Variants in STK17B observed in about 807,000 individuals in gnomAD.
STK17B encodes serine/threonine kinase 17b.
Under a neutral mutation model 42.0 loss-of-function variants are expected in STK17B, and 21 were observed. That is an observed-to-expected ratio of 0.50 (90% CI 0.35 to 0.72). The LOEUF (loss-of-function observed/expected upper bound fraction) is 0.72. STK17B is among the 30% of genes least tolerant of loss of function. STK17B has a pLI of 0.00. For synonymous variants in STK17B, 143 were observed against 148.4 expected, an observed-to-expected ratio of 0.96 and a Z score of 0.26; for missense variants, 349 against 446.0, an observed-to-expected ratio of 0.78 and a Z score of 1.96.
intron 1 of STK17B, among the ~76,000 whole-genome samples, chr2:196,164,825 A>G (rs1249841136): frequency 1.3e-5 from 2 of 152,180 alleles, no homozygotes; most frequent in Non-Finnish European, 2.9e-5. Flanking sequence ...ATTAAATTAA[A>G]ATTATAGCTT....
rs1699566775 is a variant in STK17B, at chr2:196,145,938, C to A, written c.453G>T (p.Gln151His). The change falls in exon 4 of 8, where the codon CAG (glutamine) becomes CAT (histidine). Residue 151 changes from glutamine to histidine, a missense_variant. Coordinates refer to ENST00000263955, the MANE Select transcript of STK17B (RefSeq NM_004226.4). Reference sequence around the variant, plus strand: ...TTAAATCAAGGTGTACAATGTTATTCTGATGTAGATAATAAACTCCTTCAA... The same window carrying A: ...TTAAATCAAGGTGTACAATGTTATTATGATGTAGATAATAAACTCCTTCAA... The part of the protein sequence containing the change: ...QILEGVYYLH[Q>H]NNIVHLDLKP... The A allele has an allele frequency of 2.5e-6, 4 of 1,590,386 alleles. No individual in the cohort carries two copies. Among genetic ancestry groups the A allele is most frequent in the Admixed American group, 1.9e-5 (1 of 52,366 alleles).
chr2:196,135,061 T>C lies in STK17B; in HGVS notation c.*2386A>G, dbSNP rs1024312935. 3 of 152,234 alleles carry C rather than the reference T, an allele frequency of 2.0e-5. No individual in the cohort carries two copies. The highest frequency in any genetic ancestry group is 4.4e-5 in the Non-Finnish European group (3 of 68,032). 9.4% of individuals were successfully genotyped at this position (152,234 alleles called of 1,614,324 possible). A position where few individuals can be genotyped will look rare whatever the true frequency, so the allele number is the denominator to read the frequency against. On this transcript the variant is annotated 3_prime_UTR_variant, in exon 8 of 8. Coordinates refer to ENST00000263955, the MANE Select transcript of STK17B (RefSeq NM_004226.4). ...TATCAGGAAAAAAGGCATGGAAATT[T>C]ACAGCTCTGTATTCTACTACTTAAA...
chr2:196,148,760 C>T (rs1699618382), intron 3 of STK17B, among the ~76,000 whole-genome samples: 1 of 152,138 alleles, frequency 6.6e-6, no homozygotes, highest in South Asian at 2.1e-4. Flanking sequence ...TTTTATATTA[C>T]AAATTCGTTA....
At chr2:196,159,225 C>T (rs900114733) in intron 2 of STK17B, among the ~76,000 whole-genome samples, 1 of 151,310 alleles carries the variant, frequency 6.6e-6, no homozygotes, top group Non-Finnish European at 1.5e-5. Context: ...GTGCTTGTGA[C>T]AATTCAGTTC....
rs1467744861 is a variant in STK17B at position 196,135,914 on chromosome 2, CAT to C, written c.*1531_*1532del. 6.6e-6 allele frequency: 1 copy of C among 151,784 alleles called. No homozygotes were observed. The highest frequency in any genetic ancestry group is 1.5e-5 in the Non-Finnish European group (1 of 67,994). The allele number at this position is 151,784 out of a possible 1,614,324, so 9.4% of individuals were successfully genotyped here. On this transcript the variant is annotated 3_prime_UTR_variant, in exon 8 of 8. Coordinates refer to ENST00000263955, the MANE Select transcript of STK17B (RefSeq NM_004226.4). ...ATATACATACACCTGTACATACACA[CAT>C]GTGCACACATACACACACAAGTAGA...
At chr2:196,164,161 T>A (rs1454376555) in intron 1 of STK17B, among the ~76,000 whole-genome samples, 1 of 151,538 alleles carries the variant, frequency 6.6e-6, no homozygotes, top group Non-Finnish European at 1.5e-5. Flanking sequence ...GCTAAAGAAA[T>A]TTGGTGGTAA....
At chr2:196,168,081 T>C (rs904145535) in intron 1 of STK17B, among the ~76,000 whole-genome samples, 3 of 152,220 alleles carry the variant, frequency 2.0e-5, no homozygotes, top group Admixed American at 2.0e-4. Flanking sequence ...ATATTCCTCA[T>C]ATGTATTCTG....
upstream of STK17B, chr2:196,176,271 A>G (rs1390144754): frequency 6.6e-6 from 1 of 152,314 alleles, no homozygotes; most frequent in Non-Finnish European, 1.5e-5. Context: ...CTGGCCGAAC[A>G]TCGCTGCCGC....
chr2:196,170,839 C>G (rs1212480231), intron 1 of STK17B: 1 of 152,270 alleles, frequency 6.6e-6, no homozygotes, highest in Non-Finnish European at 1.5e-5. Flanking sequence ...CGAACTTTCT[C>G]TAGACGAAAG....
At chr2:196,153,558 T>C (rs1486527892) in intron 3 of STK17B, 2 of 151,654 alleles carry the variant, frequency 1.3e-5, no homozygotes, top group African/African-American at 2.4e-5. Flanking sequence ...AAAGTGAGCA[T>C]GTCCAACACC....
chr2:196,162,623 C>T (rs771865647), intron 2 of STK17B, among the ~76,000 whole-genome samples: 2 of 151,978 alleles, frequency 1.3e-5, no homozygotes, highest in African/African-American at 4.8e-5. Context: ...GTAGGCAGGG[C>T]GCAGGGGCTC....
chr2:196,169,979 T>G (rs778510373), intron 1 of STK17B, among the ~76,000 whole-genome samples: 1 of 152,104 alleles, frequency 6.6e-6, no homozygotes, highest in Non-Finnish European at 1.5e-5. Flanking sequence ...TAGAAAAAGT[T>G]TAATTGAGCA....
chr2:196,143,551 A>T lies in STK17B; in HGVS notation c.607+9T>A. 6.3e-7 allele frequency: 1 copy of T among 1,589,058 alleles called. No individual in the cohort carries two copies. Reference sequence around the variant, plus strand: ...CAAAATGGTATAGAAAATAAAAGGAAATTCTTACCTAAATATTCTGGTGTT... The same window carrying T: ...CAAAATGGTATAGAAAATAAAAGGATATTCTTACCTAAATATTCTGGTGTT... On this transcript the variant is annotated intron_variant, in intron 5 of 7. Transcript: ENST00000263955.
intron 3 of STK17B, among the ~76,000 whole-genome samples, chr2:196,147,929 C>T (rs1472236475): frequency 1.3e-5 from 2 of 152,050 alleles, no homozygotes; most frequent in African/African-American, 4.8e-5. Context: ...AAGGTTTCGC[C>T]ATGTTGGCCA....
intron 3 of STK17B, among the ~76,000 whole-genome samples, chr2:196,152,884 T>G (rs1040879475): frequency 1.3e-5 from 2 of 152,136 alleles, no homozygotes; most frequent in African/African-American, 4.8e-5. Context: ...AGAGCAAGAT[T>G]TTGCAGTACA....
chr2:196,161,397 CTT>C (rs1316443184), intron 2 of STK17B, among the ~76,000 whole-genome samples: 1 of 151,064 alleles, frequency 6.6e-6, no homozygotes, highest in Non-Finnish European at 1.5e-5. Context: ...AAAACTCTAT[CTT>C]TTAATACACC....
intron 2 of STK17B, among the ~76,000 whole-genome samples, chr2:196,162,192 C>T (rs1299651930): frequency 6.6e-6 from 1 of 152,136 alleles, no homozygotes; most frequent in Non-Finnish European, 1.5e-5. Context: ...TCTTTTATAA[C>T]TTTTCATATA....
intron 3 of STK17B, among the ~76,000 whole-genome samples, chr2:196,150,454 T>C (rs2105693222): frequency 6.6e-6 from 1 of 152,334 alleles, no homozygotes; most frequent in Admixed American, 6.5e-5. Context: ...TGAAAACCTA[T>C]GTGCTATATA....
At chr2:196,145,788 C>A in intron 4 of STK17B, 123 bp downstream of exon 4, 3 of 912,328 alleles carry the variant, frequency 3.3e-6, no homozygotes, top group Non-Finnish European at 4.7e-6. Flanking sequence ...AAAGAGCACA[C>A]CAGTGCAGTC....
Sources: gnomAD v4.1 joint callset for allele counts (sites outside exome capture counted in the v4.1 genomes callset) on GRCh38, gnomAD v4.1.1 for gene constraint, MANE v1.5 for transcripts, NCBI Gene and HGNC (gene_info 2026-07-23, HGNC 2026-07-21) for gene names.